Variants in KALRN observed in about 807,000 individuals in gnomAD.
KALRN encodes kalirin RhoGEF kinase.
A neutral mutation model predicts 353.7 loss-of-function variants in KALRN; 70 were observed. The observed-to-expected ratio is 0.20, with a 90% CI of 0.16 to 0.24. The LOEUF is 0.24. Ranked by LOEUF, KALRN falls within the 10% of genes least tolerant of loss-of-function variation. The probability of loss-of-function intolerance (pLI) is 1.00; values close to 1 mark genes in which losing one functional copy is unlikely to be tolerated. For synonymous variants in KALRN, 1,391 were observed against 1,434.8 expected (o/e 0.97, Z 0.69); for missense variants, 2,791 against 3,756.7 (o/e 0.74, Z 6.72).
chr3:124,036,528 T>G (rs898842168), intron 1 of KALRN, among the ~76,000 whole-genome samples: 1 of 152,036 alleles, frequency 6.6e-6, no homozygotes. Flanking sequence ...AATGAACATA[T>G]GCATATGCGT....
At chr3:124,368,863 C>T (rs980473216) in intron 10 of KALRN, among the ~76,000 whole-genome samples, 1 of 152,218 alleles carries the variant, frequency 6.6e-6, no homozygotes, top group Non-Finnish European at 1.5e-5. Context: ...GGCTGGAGAC[C>T]GGCCGGCCAA....
At chr3:124,597,502 G>C (rs969174301) in intron 34 of KALRN, among the ~76,000 whole-genome samples, 1 of 152,188 alleles carries the variant, frequency 6.6e-6, no homozygotes, top group African/African-American at 2.4e-5. Context: ...TTCTCACTGC[G>C]TGCTAAAGAG....
intron 12 of KALRN, among the ~76,000 whole-genome samples, chr3:124,397,353 G>A (rs967609928): frequency 3.3e-5 from 5 of 152,174 alleles, no homozygotes; most frequent in African/African-American, 9.7e-5. Context: ...ACCGGTAGAC[G>A]GAAGGGTGCT....
rs1436333495 is a variant in KALRN at position 124,120,709 on chromosome 3, AAAATATATATATATATATATATATATAT to A, written c.73+86898_73+86925del. Among the ~76,000 whole-genome samples, 103 of 112,744 alleles carry A rather than the reference AAAATATATATATATATATATATATATAT, an allele frequency of 9.1e-4. No individual in the cohort carries two copies. In the South Asian group the frequency reaches 0.017, roughly 19 times the overall value. 74.0% of individuals were successfully genotyped at this position (112,744 alleles called of 152,430 possible). A position where few individuals can be genotyped will look rare whatever the true frequency, so the allele number is the denominator to read the frequency against. ...ACTTACAATCCAGATAGGAATACTA[AAAATATATATATATATATATATATATAT>A]ATATATATTTTCACATAATTAGCTA... On this transcript the variant is annotated intron_variant, in intron 1 of 59. Transcript: ENST00000682506.
rs562432413 is a variant in KALRN, at chr3:124,330,116, T to G, written c.1416+124T>G. 1.7e-4 allele frequency: 179 copies of G among 1,066,684 alleles called. No homozygotes were observed. The East Asian group carries it at 4.0e-3, about 24-fold the overall frequency. The allele number at this position is 1,066,684 out of a possible 1,614,324, so 66.1% of individuals were successfully genotyped here. ...ACTAAGAAGAAGAGGCTGTTTTTCT[T>G]TTTTTTTGGTGACATCTTTAGGAAC... On this transcript the variant is annotated intron_variant, in intron 8 of 59. Transcript: ENST00000682506.
At chr3:124,241,844 G>A (rs1047961966) in intron 3 of KALRN, among the ~76,000 whole-genome samples, 1 of 152,198 alleles carries the variant, frequency 6.6e-6, no homozygotes, top group Non-Finnish European at 1.5e-5. Flanking sequence ...GCATTTAGAA[G>A]CCCCAAGATA....
chr3:124,054,788 A>G (rs2041373481), intron 1 of KALRN, among the ~76,000 whole-genome samples: 1 of 152,216 alleles, frequency 6.6e-6, no homozygotes, highest in Admixed American at 6.5e-5. Context: ...CTTCCTGAGA[A>G]TGGTTATATA....
intron 27 of KALRN, 148 bp from the exon 28 acceptor site, chr3:124,482,660 C>A: frequency 1.7e-6 from 1 of 585,512 alleles, no homozygotes; most frequent in South Asian, 2.2e-5. Flanking sequence ...CTTTTTACTC[C>A]CCTCTCCCTA....
intron 32 of KALRN, among the ~76,000 whole-genome samples, chr3:124,494,877 C>A (rs1262725271): frequency 8.5e-5 from 13 of 152,328 alleles, no homozygotes; most frequent in Admixed American, 8.5e-4. Context: ...GCCATTACTT[C>A]TCCACAAGCA....
At chr3:124,152,520 G>A in intron 1 of KALRN, 1 of 726,250 alleles carries the variant, frequency 1.4e-6, no homozygotes, top group Non-Finnish European at 2.5e-6. Flanking sequence ...TATATTCCTT[G>A]TTACAGTGCT....
intron 25 of KALRN, among the ~76,000 whole-genome samples, chr3:124,473,033 G>T (rs2061093570): frequency 6.6e-6 from 1 of 152,178 alleles, no homozygotes; most frequent in African/African-American, 2.4e-5. Context: ...GATGGACAAA[G>T]AAGTCATCTA....
chr3:124,524,711 A>G (rs1332475596), intron 33 of KALRN, among the ~76,000 whole-genome samples: 1 of 152,230 alleles, frequency 6.6e-6, no homozygotes, highest in African/African-American at 2.4e-5. Context: ...ATGTGTATGT[A>G]TGTGCATATA....
At position 124,697,787 on chromosome 3, in the gene KALRN, G is replaced by A. The variant is rs2062123887; in HGVS notation, c.7831+63G>A. On this transcript the variant is annotated intron_variant, in intron 55 of 59. Transcript: ENST00000682506. ...TTTTAAAACATTTATTTTTAAAATT[G>A]CAGTAAAACACACATAATAAAATTT... 5 of 1,390,378 alleles carry A rather than the reference G, an allele frequency of 3.6e-6. No homozygotes were observed. In the South Asian group the frequency reaches 6.0e-5, roughly 17 times the overall value. The allele number at this position is 1,390,378 out of a possible 1,614,324, so 86.1% of individuals were successfully genotyped here.
chr3:124,365,057 A>C (rs1230247959), intron 10 of KALRN, among the ~76,000 whole-genome samples: 2 of 152,084 alleles, frequency 1.3e-5, no homozygotes, highest in East Asian at 1.9e-4. Flanking sequence ...TCAGCATTAT[A>C]TTGCTAATTT....
At chr3:124,142,924 A>G (rs146430648) in intron 1 of KALRN, among the ~76,000 whole-genome samples, 2 of 152,018 alleles carry the variant, frequency 1.3e-5, no homozygotes, top group Admixed American at 1.3e-4. Context: ...CTATCACCCC[A>G]CAAATGCCTC....
intron 14 of KALRN, among the ~76,000 whole-genome samples, chr3:124,418,364 A>AT (rs907632683): frequency 2.2e-4 from 33 of 152,142 alleles, no homozygotes; most frequent in African/African-American, 7.7e-4. Context: ...GTGGACCCAG[A>AT]TTTTTTTTAA....
intron 33 of KALRN, among the ~76,000 whole-genome samples, chr3:124,502,681 G>C (rs757049445): frequency 2.0e-5 from 3 of 152,158 alleles, no homozygotes; most frequent in Non-Finnish European, 2.9e-5. Context: ...CTATATGAAA[G>C]AGCACAGAAG....
intron 28 of KALRN, among the ~76,000 whole-genome samples, chr3:124,485,510 T>A (rs1227249268): frequency 6.6e-6 from 1 of 152,190 alleles, no homozygotes; most frequent in African/African-American, 2.4e-5. Context: ...GAATTGCCTA[T>A]AGAGGTAGCT....
intron 34 of KALRN, among the ~76,000 whole-genome samples, chr3:124,617,527 G>A (rs1401054674): frequency 6.6e-6 from 1 of 152,194 alleles, no homozygotes; most frequent in Non-Finnish European, 1.5e-5. Flanking sequence ...CTTCAGAAAA[G>A]CAGAAAAGCT....
Sources: gnomAD v4.1 joint callset for allele counts (sites outside exome capture counted in the v4.1 genomes callset) on GRCh38, gnomAD v4.1.1 for gene constraint, MANE v1.5 for transcripts, NCBI Gene and HGNC (gene_info 2026-07-23, HGNC 2026-07-21) for gene names.